SERINC5: variants seen among roughly 807,000 people sequenced by gnomAD.
The protein encoded by SERINC5 is chromosome 5 open reading frame 12.
In SERINC5, 41 loss-of-function variants were observed where a neutral mutation model predicts 63.1. The ratio of observed to expected loss-of-function variants is 0.65; its 90% CI spans 0.51 to 0.84. The LOEUF (loss-of-function observed/expected upper bound fraction) is 0.84. SERINC5 is among the 40% of genes least tolerant of loss of function. The pLI, the probability that SERINC5 is intolerant of heterozygous loss-of-function variation, is 0.00. For synonymous variants in SERINC5, 222 were observed against 215.2 expected (o/e 1.03, Z -0.28); for missense variants, 523 against 573.0 (o/e 0.91, Z 0.89).
At chr5:80,173,793 CCT>C (rs1296721827) in intron 5 of SERINC5, among the ~76,000 whole-genome samples, 2 of 151,932 alleles carry the variant, frequency 1.3e-5, no homozygotes, top group African/African-American at 2.4e-5. Flanking sequence ...TACTTGCACC[CCT>C]GACACCTTTT....
chr5:80,176,847 C>G (rs570278366), intron 4 of SERINC5, among the ~76,000 whole-genome samples: 1 of 152,264 alleles, frequency 6.6e-6, no homozygotes, highest in South Asian at 2.1e-4. Context: ...AAAGGGCGCC[C>G]TGTTTCAGCT....
intron 10 of SERINC5, 87 bp from the exon 11 acceptor site, chr5:80,146,321 C>T (rs1745824115): frequency 8.1e-6 from 12 of 1,487,698 alleles, no homozygotes; most frequent in South Asian, 1.2e-5. Flanking sequence ...TTCTACAGGG[C>T]TGTCAGTAGA....
chr5:80,248,710 T>TG (rs1280879935), intron 1 of SERINC5, among the ~76,000 whole-genome samples: 3 of 152,072 alleles, frequency 2.0e-5, no homozygotes, highest in African/African-American at 7.2e-5. Context: ...CCAGTGCTAG[T>TG]GATAAGAAAC....
chr5:80,112,558 T>C (rs547819216), intron 12 of SERINC5, among the ~76,000 whole-genome samples: 1 of 152,256 alleles, frequency 6.6e-6, no homozygotes, highest in South Asian at 2.1e-4. Context: ...CTGTTCTTTC[T>C]CTATACTTTG....
chr5:80,220,442 G>C (rs535626558), intron 1 of SERINC5, among the ~76,000 whole-genome samples: 1 of 152,188 alleles, frequency 6.6e-6, no homozygotes, highest in Admixed American at 6.5e-5. Context: ...GGGGTAGGCT[G>C]TTCAGGAAAC....
chr5:80,220,485 C>T (rs950857263), intron 1 of SERINC5, among the ~76,000 whole-genome samples: 1 of 152,178 alleles, frequency 6.6e-6, no homozygotes, highest in Non-Finnish European at 1.5e-5. Flanking sequence ...TTCAGTCAAA[C>T]CTAGCATTTA....
In SERINC5 at chr5:80,169,374, G is replaced by A. The variant is rs1273070025; in HGVS notation, c.724C>T (p.Leu242Phe). The change falls in exon 6 of 12, where the codon CTT becomes TTT. Residue 242 changes from leucine to phenylalanine, a missense_variant. Coordinates refer to ENST00000507668, the MANE Select transcript of SERINC5 (RefSeq NM_001174072.3). ...LLGVNGGLCLLISLVAISPWV... is the reference protein window; with the variant it reads ...LLGVNGGLCLFISLVAISPWV... Reference sequence around the variant, plus strand: ...GGTGAGATGGCTACCAATGATATAAGCAGGCACAGGCCTCCATTTACTCCC... The same window carrying A: ...GGTGAGATGGCTACCAATGATATAAACAGGCACAGGCCTCCATTTACTCCC... 6.2e-7 allele frequency: 1 copy of A among 1,613,862 alleles called. No individual in the cohort carries two copies. The highest frequency in any genetic ancestry group is 8.5e-7 in the Non-Finnish European group (1 of 1,179,870).
chr5:80,238,557 G>A (rs1325214958), intron 1 of SERINC5, among the ~76,000 whole-genome samples: 1 of 152,138 alleles, frequency 6.6e-6, no homozygotes, highest in Non-Finnish European at 1.5e-5. Flanking sequence ...GCTGATGCAG[G>A]TGGATTGCCT....
At chr5:80,149,803 T>C (rs2112316143) in intron 9 of SERINC5, among the ~76,000 whole-genome samples, 1 of 152,366 alleles carries the variant, frequency 6.6e-6, no homozygotes, top group Non-Finnish European at 1.5e-5. Context: ...TAGCAAGTGC[T>C]GTAAGTCTTA....
chr5:80,249,304 G>C (rs1468118756), intron 1 of SERINC5, among the ~76,000 whole-genome samples: 1 of 149,976 alleles, frequency 6.7e-6, no homozygotes, highest in African/African-American at 2.5e-5. Context: ...AACACAGCGA[G>C]ACTCTGTCTC....
At chr5:80,134,822 C>G (rs1478362740), downstream of SERINC5, among the ~76,000 whole-genome samples, 1 of 152,214 alleles carries the variant, frequency 6.6e-6, no homozygotes, top group African/African-American at 2.4e-5. Context: ...TGTTCTCACA[C>G]AGCACCCTGA....
intron 1 of SERINC5, among the ~76,000 whole-genome samples, chr5:80,233,804 ACTT>A (rs1364949000): frequency 9.1e-6 from 1 of 109,608 alleles, no homozygotes; most frequent in African/African-American, 3.5e-5. Flanking sequence ...TTCAACTTTT[ACTT>A]TTTTTTTTTT....
rs139153983 is a variant in SERINC5 at position 80,120,074 on chromosome 5, G to A, written c.1239-6449C>T. Among the ~76,000 whole-genome samples the A allele has an allele frequency of 3.4e-3, 513 of 152,200 alleles. 3 individuals are homozygous for A. Among genetic ancestry groups the A allele is most frequent in the African/African-American group, 0.012 (484 of 41,528 alleles). On this transcript the variant is annotated intron_variant, in intron 11 of 12. Coordinates refer to the SERINC5 transcript ENST00000509193. Reference sequence around the variant, plus strand: ...CTCAACTTCCTCTTCTATAAAGGGGGGGCTATACCTGTCAGGGTAGTGGTG... The same window carrying A: ...CTCAACTTCCTCTTCTATAAAGGGGAGGCTATACCTGTCAGGGTAGTGGTG...
chr5:80,168,544 G>A (rs1228224835), intron 6 of SERINC5, among the ~76,000 whole-genome samples: 1 of 151,986 alleles, frequency 6.6e-6, no homozygotes, highest in Non-Finnish European at 1.5e-5. Context: ...TGATTCAAGG[G>A]GGCTGTACAT....
intron 11 of SERINC5, among the ~76,000 whole-genome samples, chr5:80,115,237 C>T (rs1344180420): frequency 1.3e-5 from 2 of 152,030 alleles, no homozygotes; most frequent in East Asian, 3.8e-4. Flanking sequence ...AGGACCATCA[C>T]TGCTAGGGTG....
chr5:80,181,551 C>T (rs1005925979), intron 2 of SERINC5, among the ~76,000 whole-genome samples: 2 of 152,304 alleles, frequency 1.3e-5, no homozygotes, highest in Admixed American at 1.3e-4. Flanking sequence ...GTGTCAGCCA[C>T]TGTACCTGGC....
chr5:80,227,179 A>AGCCACTGCGCC (rs1179607392), intron 1 of SERINC5, among the ~76,000 whole-genome samples: 1 of 152,220 alleles, frequency 6.6e-6, no homozygotes, highest in Admixed American at 6.5e-5. Flanking sequence ...TACAGGCATG[A>AGCCACTGCGCC]GCCACTGCGC....
chr5:80,212,526 T>C (rs1177496854), intron 1 of SERINC5, among the ~76,000 whole-genome samples: 3 of 152,116 alleles, frequency 2.0e-5, no homozygotes, highest in Admixed American at 2.0e-4. Context: ...ACTTCTCTAC[T>C]TTGGAGAGCA....
chr5:80,144,074 T>A (rs2112296456), intron 11 of SERINC5, among the ~76,000 whole-genome samples: 1 of 152,270 alleles, frequency 6.6e-6, no homozygotes, highest in East Asian at 1.9e-4. Flanking sequence ...TCTATGAATT[T>A]GCCTATTCTG....
Sources: gnomAD v4.1 joint callset for allele counts (sites outside exome capture counted in the v4.1 genomes callset) on GRCh38, gnomAD v4.1.1 for gene constraint, MANE v1.5 for transcripts, NCBI Gene and HGNC (gene_info 2026-07-23, HGNC 2026-07-21) for gene names.